Variants in ZNF608 observed in about 807,000 individuals in gnomAD.
ZNF608 encodes zinc finger protein 608, also known as renal carcinoma antigen NY-REN-36.
Under a neutral mutation model 109.0 loss-of-function variants are expected in ZNF608, and 12 were observed. The observed-to-expected ratio is 0.11, with a 90% CI of 0.07 to 0.18. ZNF608 has a LOEUF of 0.18. Among genes scored for constraint, ZNF608 ranks in the 10% least tolerant of loss-of-function variants. The pLI is 1.00. For synonymous variants in ZNF608, 732 were observed against 717.4 expected, an observed-to-expected ratio of 1.02 and a Z score of -0.33; for missense variants, 1,707 against 1,879.3, an observed-to-expected ratio of 0.91 and a Z score of 1.70.
At chr5:124,664,949 A>G (rs34158025) in intron 3 of ZNF608, among the ~76,000 whole-genome samples, 18,155 of 151,900 alleles carry the variant, frequency 0.12, 1,205 homozygotes, top group East Asian at 0.22. Flanking sequence ...GCTGAGGTGG[A>G]TGGATCACGA....
rs564395964 is a variant in ZNF608 at position 124,729,824 on chromosome 5, C to T, written c.906+14260G>A. Reference sequence around the variant, plus strand: ...CCATCTGGACAAAAATCTTCACATTCACTAAATTAGTCACAGATTTTGTGG... The same window carrying T: ...CCATCTGGACAAAAATCTTCACATTTACTAAATTAGTCACAGATTTTGTGG... On this transcript the variant is annotated intron_variant, in intron 2 of 9. Transcript: ENST00000513986. Among the ~76,000 whole-genome samples the T allele has an allele frequency of 1.4e-4, 21 of 152,278 alleles. No individual in the cohort carries two copies. In the South Asian group the frequency reaches 1.7e-3, roughly 12 times the overall value.
Position 124,644,262 on chromosome 5 carries a change from G to C in ZNF608, c.4105C>G (p.Leu1369Val), listed in dbSNP as rs1323563604. 3 of 1,610,270 alleles carry C rather than the reference G, an allele frequency of 1.9e-6. No individual in the cohort carries two copies. Among genetic ancestry groups the C allele is most frequent in the Non-Finnish European group, 2.5e-6 (3 of 1,176,992 alleles). Residue 1369 changes from leucine to valine, a missense_variant, in exon 6 of 10, where the codon CTA becomes GTA. Leu to Val is a conservative substitution (Grantham distance 32). Around this residue, in one of 7 missense-constraint regions of ZNF608, gnomAD observed 1,073 missense variants for 1,133.5 expected, o/e 0.95. Coordinates refer to ENST00000513986, the MANE Select transcript of ZNF608 (RefSeq NM_020747.3). ...HPAYRAVSPV[L>V]MHSYPGAYLS... ...CACGTACCAGGATAACTGTGCATTAGGACGGGAGAAACAGCCCGGTATGCA... is the reference window on the plus strand; with the variant it reads ...CACGTACCAGGATAACTGTGCATTACGACGGGAGAAACAGCCCGGTATGCA...
intron 2 of ZNF608, among the ~76,000 whole-genome samples, chr5:124,743,608 C>G (rs1171573351): frequency 1.3e-5 from 2 of 152,226 alleles, no homozygotes; most frequent in East Asian, 3.9e-4. Flanking sequence ...CGACATTCCT[C>G]TCCAGGGAGG....
intron 2 of ZNF608, among the ~76,000 whole-genome samples, chr5:124,727,568 A>G (rs1288402503): frequency 8.0e-5 from 12 of 150,862 alleles, no homozygotes; most frequent in Non-Finnish European, 2.9e-5. Context: ...GATGGTATCA[A>G]TCCTCAAGAT....
At chr5:124,721,830 C>A (rs935780042) in intron 2 of ZNF608, among the ~76,000 whole-genome samples, 2 of 149,146 alleles carry the variant, frequency 1.3e-5, no homozygotes, top group Admixed American at 1.4e-4. Context: ...CCCAGCTACT[C>A]GGAAGGAAGG....
chr5:124,713,187 A>G (rs1460148504), intron 2 of ZNF608, among the ~76,000 whole-genome samples: 2 of 152,106 alleles, frequency 1.3e-5, no homozygotes, highest in African/African-American at 4.8e-5. Flanking sequence ...CTTTATGTTC[A>G]CTAGTTCCCT....
intron 2 of ZNF608, among the ~76,000 whole-genome samples, chr5:124,709,101 G>A (rs1257479705): frequency 6.7e-6 from 1 of 148,372 alleles, no homozygotes; most frequent in African/African-American, 2.5e-5. Flanking sequence ...AACCCAGGAG[G>A]CGGAGATTGC....
intron 3 of ZNF608, 60 bp downstream of exon 3, chr5:124,700,954 A>G: frequency 6.3e-7 from 1 of 1,592,718 alleles, no homozygotes; most frequent in Admixed American, 1.7e-5. Context: ...TCACAGGTGG[A>G]CATAAATACA....
intron 2 of ZNF608, among the ~76,000 whole-genome samples, chr5:124,724,241 G>A (rs1754049407): frequency 6.6e-6 from 1 of 151,878 alleles, no homozygotes; most frequent in African/African-American, 2.4e-5. Context: ...AACATACGGG[G>A]ACTATTTCGA....
At chr5:124,674,730 C>T (rs1319557291) in intron 3 of ZNF608, among the ~76,000 whole-genome samples, 1 of 152,176 alleles carries the variant, frequency 6.6e-6, no homozygotes, top group African/African-American at 2.4e-5. Context: ...CCTACCTCAG[C>T]CTCCTGAGTA....
chr5:124,669,610 G>A (rs1235277871), intron 3 of ZNF608, among the ~76,000 whole-genome samples: 2 of 151,800 alleles, frequency 1.3e-5, no homozygotes, highest in African/African-American at 4.8e-5. Context: ...TCAGAACCTG[G>A]GTCCCTGGTT....
At chr5:124,732,297 A>T (rs1455159742) in intron 2 of ZNF608, among the ~76,000 whole-genome samples, 1 of 152,206 alleles carries the variant, frequency 6.6e-6, no homozygotes, top group Non-Finnish European at 1.5e-5. Flanking sequence ...TGAGTTATCA[A>T]AAAGAGAGAC....
At chr5:124,662,284 A>G (rs1399511339) in intron 3 of ZNF608, among the ~76,000 whole-genome samples, 1 of 152,230 alleles carries the variant, frequency 6.6e-6, no homozygotes, top group Non-Finnish European at 1.5e-5. Context: ...ATTCAAGTCA[A>G]AACCTGCTTT....
At chr5:124,654,825 T>C (rs190528551) in intron 3 of ZNF608, among the ~76,000 whole-genome samples, 5 of 152,324 alleles carry the variant, frequency 3.3e-5, no homozygotes, top group Non-Finnish European at 7.4e-5. Context: ...AGGATAAAGG[T>C]GGCAGAGTCT....
intron 2 of ZNF608, chr5:124,708,842 C>T (rs1753365262): frequency 2.3e-6 from 1 of 442,800 alleles, no homozygotes. Context: ...CTTCCACCTC[C>T]AGCCAGAACC....
chr5:124,709,198 A>AAAAAAAAAT (rs5871101), intron 2 of ZNF608, among the ~76,000 whole-genome samples: 2 of 149,726 alleles, frequency 1.3e-5, no homozygotes, highest in Admixed American at 6.6e-5. Flanking sequence ...AAAAAAAAAA[A>AAAAAAAAAT]TCTGGGTTCT....
At chr5:124,693,581 G>A (rs370793325) in intron 3 of ZNF608, among the ~76,000 whole-genome samples, 3 of 152,222 alleles carry the variant, frequency 2.0e-5, no homozygotes, top group East Asian at 3.9e-4. Flanking sequence ...TCATTACTTA[G>A]CACCTAATGT....
At chr5:124,720,532 C>T (rs1753861972) in intron 2 of ZNF608, among the ~76,000 whole-genome samples, 1 of 152,160 alleles carries the variant, frequency 6.6e-6, no homozygotes, top group South Asian at 2.1e-4. Context: ...TCATGGTAAA[C>T]ATGTATAGCT....
chr5:124,734,111 A>G (rs1200307904), intron 2 of ZNF608, among the ~76,000 whole-genome samples: 1 of 152,220 alleles, frequency 6.6e-6, no homozygotes, highest in Non-Finnish European at 1.5e-5. Context: ...TTTACCATCA[A>G]TAAAATCCTT....
Sources: gnomAD v4.1 joint callset for allele counts (sites outside exome capture counted in the v4.1 genomes callset) on GRCh38, gnomAD v4.1.1 for gene constraint, gnomAD v4.1.1 regional missense constraint, MANE v1.5 for transcripts, NCBI Gene and HGNC (gene_info 2026-07-23, HGNC 2026-07-21) for gene names.